ECD: variants seen among roughly 807,000 people sequenced by gnomAD.
ECD encodes the protein ecdysoneless cell cycle regulator.
A neutral mutation model predicts 77.2 loss-of-function variants in ECD; 59 were observed. The ratio of observed to expected loss-of-function variants is 0.76; its 90% CI spans 0.62 to 0.95. The LOEUF (loss-of-function observed/expected upper bound fraction) is 0.95, where lower values mean the gene tolerates loss of function less well. ECD is among the 40% of genes least tolerant of loss of function. The pLI is 0.00. For missense variants in ECD, 704 were observed against 763.4 expected, an observed-to-expected ratio of 0.92 and a Z score of 0.92; for synonymous variants, 233 against 267.4, an observed-to-expected ratio of 0.87 and a Z score of 1.26.
intron 1 of ECD, among the ~76,000 whole-genome samples, chr10:73,165,912 T>C (rs982023771): frequency 2.0e-5 from 3 of 152,098 alleles, no homozygotes; most frequent in Non-Finnish European, 4.4e-5. Context: ...AAATACTAGT[T>C]TTCATTCACT....
chr10:73,148,220 C>T, intron 8 of ECD, 56 bp downstream of exon 8: 2 of 1,593,890 alleles, frequency 1.3e-6, no homozygotes, highest in South Asian at 2.3e-5. Context: ...CTTTAAGTCG[C>T]TGGCTTGATT....
intron 9 of ECD, among the ~76,000 whole-genome samples, chr10:73,142,650 A>G (rs2133252555): frequency 7.1e-6 from 1 of 140,644 alleles, no homozygotes; most frequent in Non-Finnish European, 1.5e-5. Context: ...AAAAAAAAAA[A>G]AAAAATTGTA....
chr10:73,144,401 G>T (rs552529421), intron 9 of ECD, among the ~76,000 whole-genome samples: 1 of 152,024 alleles, frequency 6.6e-6, no homozygotes, highest in African/African-American at 2.4e-5. Flanking sequence ...AAGGTAGGGG[G>T]ATCTCTTAAA....
intron 5 of ECD, 59 bp from the exon 6 acceptor site, chr10:73,154,507 T>G: frequency 2.1e-6 from 3 of 1,427,194 alleles, no homozygotes; most frequent in South Asian, 1.4e-5. Context: ...ATAATTCTTA[T>G]ACCATTCACA....
intron 3 of ECD, 113 bp downstream of exon 3, chr10:73,160,321 T>G: frequency 1.5e-6 from 1 of 657,584 alleles, no homozygotes; most frequent in Non-Finnish European, 2.4e-6. Context: ...TATTAAAATC[T>G]GTACAATTTC....
chr10:73,163,443 G>A (rs1348667642), intron 2 of ECD, among the ~76,000 whole-genome samples: 1 of 152,144 alleles, frequency 6.6e-6, no homozygotes, highest in Non-Finnish European at 1.5e-5. Context: ...TAGATACTTA[G>A]ATACATTATG....
intron 2 of ECD, among the ~76,000 whole-genome samples, chr10:73,163,126 G>A (rs555915203): frequency 4.5e-4 from 68 of 152,192 alleles, no homozygotes; most frequent in Admixed American, 4.0e-3. Context: ...TGGTCTCTCC[G>A]CTCCCTCCTA....
At chr10:73,161,760 G>A (rs1843384114) in intron 2 of ECD, among the ~76,000 whole-genome samples, 1 of 152,184 alleles carries the variant, frequency 6.6e-6, no homozygotes, top group Non-Finnish European at 1.5e-5. Flanking sequence ...TATCCCTGAT[G>A]AGTATCAATG....
intron 3 of ECD, among the ~76,000 whole-genome samples, chr10:73,159,517 T>C (rs985965182): frequency 6.6e-6 from 1 of 152,246 alleles, no homozygotes; most frequent in African/African-American, 2.4e-5. Context: ...GAAACCTTTG[T>C]ATCTTTTGAA....
chr10:73,134,884 G>A, intron 13 of ECD, 71 bp from the exon 14 acceptor site: 1 of 1,284,512 alleles, frequency 7.8e-7, no homozygotes, highest in Non-Finnish European at 1.1e-6. Flanking sequence ...ACAATAAAAA[G>A]ATAACTAAGC....
At chr10:73,143,690 T>C (rs1040161592) in intron 9 of ECD, among the ~76,000 whole-genome samples, 2 of 152,046 alleles carry the variant, frequency 1.3e-5, no homozygotes, top group Non-Finnish European at 2.9e-5. Flanking sequence ...TTACAAACAA[T>C]CCAATTACAC....
chr10:73,162,927 A>G (rs1843400235), intron 2 of ECD, among the ~76,000 whole-genome samples: 1 of 152,246 alleles, frequency 6.6e-6, no homozygotes, highest in African/African-American at 2.4e-5. Context: ...AGCTGGGAAC[A>G]TACCAAGGAA....
In ECD at chr10:73,139,300, A is replaced by G; in HGVS notation, c.1421+9T>C. ...GCTATTTATATATTTATACTTTAACACAAATTACCGAGGCAGCTCTGCTCC... is the reference window on the plus strand; with the variant it reads ...GCTATTTATATATTTATACTTTAACGCAAATTACCGAGGCAGCTCTGCTCC... On this transcript the variant is annotated intron_variant, in intron 11 of 13. Transcript: ENST00000372979. The G allele has an allele frequency of 6.3e-7, 1 of 1,597,060 alleles. No individual in the cohort carries two copies. The highest frequency in any genetic ancestry group is 8.5e-7 in the Non-Finnish European group (1 of 1,175,300).
At chr10:73,135,849 G>T (rs534080815) in intron 13 of ECD, among the ~76,000 whole-genome samples, 1 of 151,886 alleles carries the variant, frequency 6.6e-6, no homozygotes, top group Non-Finnish European at 1.5e-5. Flanking sequence ...GTTTATATTC[G>T]CATTAAAATT....
chr10:73,152,367 C>G lies in ECD; in HGVS notation c.838G>C (p.Asp280His). The G allele has an allele frequency of 6.2e-7, 1 of 1,613,886 alleles. No homozygotes were observed. Among genetic ancestry groups the G allele is most frequent in the Non-Finnish European group, 8.5e-7 (1 of 1,179,868 alleles). ...AQLVQQRFVP[D>H]RRSGYRLPPP... ...GGCAGCCTGTATCCACTCCGCCGGT[C>G]TGGCACAAACCTTTGTTGCACCAAT... Residue 280 changes from aspartate (D) to histidine (H), a missense_variant, in exon 7 of 14, where the codon GAC (aspartate) becomes CAC (histidine). Coordinates refer to ENST00000372979, the MANE Select transcript of ECD (RefSeq NM_007265.3).
chr10:73,166,353 G>A (rs376057427), intron 1 of ECD, among the ~76,000 whole-genome samples: 382 of 152,288 alleles, frequency 2.5e-3, no homozygotes, highest in African/African-American at 8.7e-3. Flanking sequence ...CAGTGGGACT[G>A]CTGGATCATA....
intron 1 of ECD, among the ~76,000 whole-genome samples, chr10:73,167,400 T>A (rs561818318): frequency 6.6e-6 from 1 of 152,324 alleles, no homozygotes; most frequent in African/African-American, 2.4e-5. Flanking sequence ...TTTCCTTATC[T>A]CTTAATTTTC....
chr10:73,159,233 C>T (rs1244653866), intron 3 of ECD, among the ~76,000 whole-genome samples: 3 of 152,244 alleles, frequency 2.0e-5, no homozygotes, highest in African/African-American at 7.2e-5. Context: ...GTGGGCGGAA[C>T]GCCCTCTGCT....
At position 73,167,253 on chromosome 10, in the gene ECD, T is replaced by C. The variant is rs142994416; in HGVS notation, c.-14+613A>G. ...ATGTGATGCTTCCAGTTTTGTTCTT[T>C]TTGCTCAGGATAGCTTTGGCTATTC... On this transcript the variant is annotated intron_variant, in intron 1 of 13. Transcript: ENST00000372979. Among the ~76,000 whole-genome samples the C allele has an allele frequency of 5.8e-3, 889 of 152,304 alleles. 8 individuals carry two copies. Among genetic ancestry groups the C allele is most frequent in the African/African-American group, 0.02 (826 of 41,570 alleles).
Sources: allele counts gnomAD v4.1 joint callset (sites outside exome capture counted in the v4.1 genomes callset), GRCh38; gene constraint gnomAD v4.1.1; transcripts MANE v1.5; gene names NCBI Gene and HGNC (gene_info 2026-07-23, HGNC 2026-07-21).